DENND4C: variants seen among roughly 807,000 people sequenced by gnomAD.
DENND4C encodes the protein DENN domain containing 4C, also known as DENN domain-containing protein 4C.
DENND4C carries 108 observed loss-of-function variants against 203.0 expected under a neutral mutation model. The ratio of observed to expected loss-of-function variants is 0.53; its 90% CI spans 0.46 to 0.62. DENND4C has a LOEUF of 0.62. Among genes scored for constraint, DENND4C ranks in the 20% least tolerant of loss-of-function variants. The pLI is 0.00. For missense variants in DENND4C, 2,481 were observed against 2,301.2 expected, an observed-to-expected ratio of 1.08 and a Z score of -1.60; for synonymous variants, 871 against 792.4, an observed-to-expected ratio of 1.10 and a Z score of -1.67.
chr9:19,371,986 CTGT>C (rs762314141), intron 32 of DENND4C, 48 bp from the exon 33 acceptor site: 3 of 1,571,118 alleles, frequency 1.9e-6, no homozygotes, highest in Non-Finnish European at 2.6e-6. Flanking sequence ...AAATGAACGG[CTGT>C]TGTCTTTCTT....
intron 1 of DENND4C, among the ~76,000 whole-genome samples, chr9:19,235,057 C>G (rs1162533347): frequency 6.6e-6 from 1 of 151,764 alleles, no homozygotes; most frequent in Non-Finnish European, 1.5e-5. Flanking sequence ...CTCGGCCTCC[C>G]AGATGAAGCA....
At chr9:19,367,110 C>G (rs1827836950) in intron 30 of DENND4C, among the ~76,000 whole-genome samples, 1 of 152,182 alleles carries the variant, frequency 6.6e-6, no homozygotes, top group Admixed American at 6.5e-5. Context: ...ACAGCACTAG[C>G]TGTCAAGGAT....
At chr9:19,332,206 T>C in intron 17 of DENND4C, 22 bp downstream of exon 17, 1 of 1,605,790 alleles carries the variant, frequency 6.2e-7, no homozygotes, top group South Asian at 1.1e-5. Context: ...AAATTGACAT[T>C]GTTTCTAAGG....
At chr9:19,325,622 A>G (rs1198854667) in intron 13 of DENND4C, among the ~76,000 whole-genome samples, 1 of 152,178 alleles carries the variant, frequency 6.6e-6, no homozygotes, top group Non-Finnish European at 1.5e-5. Flanking sequence ...GAGAAGTTTA[A>G]TGTCAATCAC....
chr9:19,230,611 C>T (rs1292444808), upstream of DENND4C: 1 of 152,090 alleles, frequency 6.6e-6, no homozygotes, highest in Non-Finnish European at 1.5e-5. Flanking sequence ...CGGAGGCACC[C>T]GCGCGGGCCA....
chr9:19,339,637 T>C (rs1821175156), intron 20 of DENND4C, among the ~76,000 whole-genome samples: 1 of 152,192 alleles, frequency 6.6e-6, no homozygotes, highest in African/African-American at 2.4e-5. Context: ...TAATATTTTT[T>C]TCCTCTCAGA....
intron 22 of DENND4C, among the ~76,000 whole-genome samples, chr9:19,344,847 A>G (rs1822474557): frequency 6.6e-6 from 1 of 152,140 alleles, no homozygotes; most frequent in Non-Finnish European, 1.5e-5. Context: ...TTTATTTCTT[A>G]TAGTTCTAGG....
chr9:19,264,323 G>T (rs1374897971), intron 1 of DENND4C, among the ~76,000 whole-genome samples: 1 of 150,570 alleles, frequency 6.6e-6, no homozygotes, highest in East Asian at 1.9e-4. Context: ...TTTTTGAGAC[G>T]GAGTCTCACC....
At chr9:19,287,106 A>G in intron 3 of DENND4C, 85 bp downstream of exon 3, 1 of 1,135,028 alleles carries the variant, frequency 8.8e-7, no homozygotes, top group Non-Finnish European at 1.1e-6. Flanking sequence ...TTGGGTATAT[A>G]CTCACATTTT....
intron 3 of DENND4C, among the ~76,000 whole-genome samples, chr9:19,287,538 G>T (rs1389396660): frequency 1.3e-5 from 2 of 151,888 alleles, no homozygotes; most frequent in African/African-American, 2.4e-5. Flanking sequence ...GTAGAGACAG[G>T]GTTTCATCAT....
chr9:19,315,561 ATG>A (rs931238646), intron 10 of DENND4C, among the ~76,000 whole-genome samples: 3 of 151,140 alleles, frequency 2.0e-5, no homozygotes, highest in South Asian at 2.1e-4. Flanking sequence ...GTATATATGT[ATG>A]TGTGTATATA....
chr9:19,326,045 G>GA lies in DENND4C; in HGVS notation c.1990-14dup. On this transcript the variant is annotated intron_variant, in intron 14 of 32. Coordinates refer to ENST00000434457, the MANE Select transcript of DENND4C (RefSeq NM_001330640.2). ...CTTGTTTGTATGCAAATTAATTGGG[G>GA]AAAAATAATGATTTTCAGGTTGATT... The GA allele has an allele frequency of 1.2e-6, 2 of 1,606,212 alleles. No individual in the cohort carries two copies. Among genetic ancestry groups the GA allele is most frequent in the East Asian group, 4.5e-5 (2 of 44,766 alleles).
chr9:19,317,846 A>C (rs763301885), intron 12 of DENND4C, among the ~76,000 whole-genome samples: 1 of 152,370 alleles, frequency 6.6e-6, no homozygotes, highest in East Asian at 1.9e-4. Flanking sequence ...CAAATATTCC[A>C]GTATTTCAAA....
Position 19,326,114 on chromosome 9 carries a change from A to G in DENND4C, c.2040A>G (p.Ser680=), listed in dbSNP as rs1237939839. The change falls in exon 15 of 33, where the codon TCA becomes TCG. Residue 680 remains serine, a synonymous_variant. Coordinates refer to ENST00000434457, the MANE Select transcript of DENND4C (RefSeq NM_001330640.2). The stretch of plus-strand genomic sequence containing the variant: ...CCAGATTGATAGAACTAGATGATTC[A>G]CAGAAAAGTGAGCATACTGTATTTA... ...EDTRLIELDD[S]QKSEHTVFIM... 9.3e-6 allele frequency: 15 copies of G among 1,613,056 alleles called. No homozygotes were observed. In the East Asian group the frequency reaches 3.1e-4, roughly 34 times the overall value.
chr9:19,292,909 C>A (rs1222978136), intron 5 of DENND4C, among the ~76,000 whole-genome samples: 2 of 152,128 alleles, frequency 1.3e-5, no homozygotes, highest in African/African-American at 4.8e-5. Flanking sequence ...ATAATCTGAA[C>A]TGACTCATGC....
At chr9:19,267,216 T>C (rs1348901790) in intron 1 of DENND4C, among the ~76,000 whole-genome samples, 1 of 152,222 alleles carries the variant, frequency 6.6e-6, no homozygotes, top group Non-Finnish European at 1.5e-5. Flanking sequence ...TGTTGAAGTT[T>C]CCAGCAATTA....
In DENND4C at chr9:19,286,770, G is replaced by A. The variant is rs1835297461; in HGVS notation, c.307G>A (p.Val103Ile). 8.1e-7 allele frequency: 1 copy of A among 1,232,114 alleles called. No homozygotes were observed. Among genetic ancestry groups the A allele is most frequent in the Non-Finnish European group, 1.0e-6 (1 of 987,962 alleles). The allele number at this position is 1,232,114 out of a possible 1,614,324, so 76.3% of individuals were successfully genotyped here. A position where few individuals can be genotyped will look rare whatever the true frequency, so the allele number is the denominator to read the frequency against. Residue 103 changes from valine (V) to isoleucine (I), a missense_variant and splice_region_variant, in exon 3 of 33, where the codon GTT becomes ATT. This residue lies in a region of DENND4C where 187 missense variants were observed against 167.4 expected (regional missense o/e 1.12). Transcript: ENST00000434457. ...TTTCTTCCCCTTCCTGCCATGCAGAGTTCTATATGAAGGGAAAGAACGGCT... is the reference window on the plus strand; with the variant it reads ...TTTCTTCCCCTTCCTGCCATGCAGAATTCTATATGAAGGGAAAGAACGGCT... ...RDKPPLTDIG[V>I]LYEGKERLIP...
chr9:19,244,574 C>T (rs976382285), intron 1 of DENND4C, among the ~76,000 whole-genome samples: 2 of 150,970 alleles, frequency 1.3e-5, no homozygotes, highest in African/African-American at 2.4e-5. Context: ...CCCCATCTGT[C>T]CTAAAAATAC....
At position 19,346,903 on chromosome 9, in the gene DENND4C, G is replaced by T. The variant is rs762041706; in HGVS notation, c.4134G>T (p.Leu1378=). The change falls in exon 23 of 33, where the codon CTG becomes CTT. Residue 1378 remains leucine (L), a synonymous_variant. Transcript: ENST00000434457. ...AACGTTCAACTTCTTTGTCAGCACT[G>T]GTGCGTTCTTCGCCACATGGCTCGT... ...HKERSTSLSA[L]VRSSPHGSLG... The T allele has an allele frequency of 1.9e-6, 3 of 1,614,170 alleles. No homozygotes were observed. The highest frequency in any genetic ancestry group is 1.6e-4 in the Middle Eastern group (1 of 6,062).
Sources: gnomAD v4.1 joint callset for allele counts (sites outside exome capture counted in the v4.1 genomes callset) on GRCh38, gnomAD v4.1.1 for gene constraint, gnomAD v4.1.1 regional missense constraint, MANE v1.5 for transcripts, NCBI Gene and HGNC (gene_info 2026-07-23, HGNC 2026-07-21) for gene names.